FAM135A: variants seen among roughly 807,000 people sequenced by gnomAD.
The protein encoded by FAM135A is protein FAM135A.
FAM135A carries 79 observed loss-of-function variants against 146.8 expected under a neutral mutation model. The ratio of observed to expected loss-of-function variants is 0.54; its 90% CI spans 0.45 to 0.65. FAM135A has a LOEUF of 0.65. Among genes scored for constraint, FAM135A ranks in the 30% least tolerant of loss-of-function variants. The pLI, the probability that FAM135A is intolerant of heterozygous loss-of-function variation, is 0.00. For synonymous variants in FAM135A, 562 were observed against 603.6 expected (o/e 0.93, Z 1.01); for missense variants, 1,623 against 1,758.2 (o/e 0.92, Z 1.38).
chr6:70,455,191 A>T (rs1383408328), intron 5 of FAM135A, among the ~76,000 whole-genome samples: 1 of 152,104 alleles, frequency 6.6e-6, no homozygotes, highest in Non-Finnish European at 1.5e-5. Context: ...CTTTGAAGCA[A>T]TTGTGAATGG....
chr6:70,497,608 A>G (rs1391674199), intron 11 of FAM135A, among the ~76,000 whole-genome samples: 1 of 152,238 alleles, frequency 6.6e-6, no homozygotes, highest in East Asian at 1.9e-4. Flanking sequence ...GCTTTTGCCC[A>G]TTCAGTATGA....
intron 2 of FAM135A, among the ~76,000 whole-genome samples, chr6:70,421,040 C>T (rs1451341502): frequency 6.6e-6 from 1 of 152,096 alleles, no homozygotes; most frequent in Non-Finnish European, 1.5e-5. Context: ...CACTACCACA[C>T]CCAGCTAATT....
At chr6:70,501,143 T>C (rs1225637188) in intron 11 of FAM135A, among the ~76,000 whole-genome samples, 1 of 152,196 alleles carries the variant, frequency 6.6e-6, no homozygotes, top group Non-Finnish European at 1.5e-5. Flanking sequence ...GATGGGAGTT[T>C]ATCTGTAAGC....
At chr6:70,452,747 C>G (rs1451618887) in intron 5 of FAM135A, among the ~76,000 whole-genome samples, 176 bp downstream of exon 5, 1 of 152,094 alleles carries the variant, frequency 6.6e-6, no homozygotes, top group Non-Finnish European at 1.5e-5. Context: ...GATACTCTGT[C>G]TCCTTCTTAG....
Position 70,502,757 on chromosome 6 carries a change from G to T in FAM135A, c.995G>T (p.Arg332Ile), listed in dbSNP as rs754901927. 1 of 1,612,570 alleles carries T rather than the reference G, an allele frequency of 6.2e-7. No homozygotes were observed. Among genetic ancestry groups the T allele is most frequent in the Non-Finnish European group, 8.5e-7 (1 of 1,179,138 alleles). Residue 332 changes from arginine to isoleucine, a missense_variant, in exon 12 of 22, where the codon AGA (arginine) becomes ATA (isoleucine). Arg to Ile is a moderately conservative substitution (Grantham distance 97). Around this residue, in one of 7 missense-constraint regions of FAM135A, gnomAD observed 206 missense variants for 194.7 expected, o/e 1.06. Coordinates refer to ENST00000418814, the MANE Select transcript of FAM135A (RefSeq NM_001162529.3). ...LEVITLHEEL[R>I]ILLAQEHHTL... ...GTTATAACGCTACACGAAGAACTAA[G>T]AATATTATTAGCACAAGAGCACCAT... is the stretch of plus-strand genomic sequence containing the variant.
At chr6:70,471,187 G>A (rs1299934639) in intron 5 of FAM135A, among the ~76,000 whole-genome samples, 2 of 152,164 alleles carry the variant, frequency 1.3e-5, no homozygotes, top group Non-Finnish European at 2.9e-5. Flanking sequence ...GCAGAGAGCT[G>A]GAGTTGGGAT....
intron 2 of FAM135A, among the ~76,000 whole-genome samples, chr6:70,420,777 A>G (rs1768638452): frequency 6.6e-6 from 1 of 152,188 alleles, no homozygotes; most frequent in Non-Finnish European, 1.5e-5. Context: ...AGATGTGATA[A>G]ATATTTTAAA....
chr6:70,534,675 A>T (rs775248393), intron 18 of FAM135A, among the ~76,000 whole-genome samples: 18 of 152,082 alleles, frequency 1.2e-4, no homozygotes, highest in Non-Finnish European at 1.6e-4. Context: ...TGATGATTAC[A>T]CCAGTATGAG....
At chr6:70,434,170 C>T (rs913529430) in intron 4 of FAM135A, among the ~76,000 whole-genome samples, 1 of 152,150 alleles carries the variant, frequency 6.6e-6, no homozygotes, top group Admixed American at 6.5e-5. Context: ...ATTCAAAATA[C>T]ATTTGTCAAG....
chr6:70,516,408 G>A (rs1278395562), intron 12 of FAM135A, among the ~76,000 whole-genome samples: 3 of 151,898 alleles, frequency 2.0e-5, no homozygotes, highest in Non-Finnish European at 4.4e-5. Context: ...GCTGCCATAT[G>A]GATTAGCAGG....
chr6:70,446,455 C>A (rs1433935401), intron 4 of FAM135A, among the ~76,000 whole-genome samples: 1 of 152,180 alleles, frequency 6.6e-6, no homozygotes, highest in Non-Finnish European at 1.5e-5. Context: ...CTTAGGGGAT[C>A]AATCAATAAT....
intron 1 of FAM135A, chr6:70,414,116 CG>C (rs2127650294): frequency 1.1e-6 from 1 of 882,310 alleles, no homozygotes; most frequent in Non-Finnish European, 1.4e-6. Context: ...TCTTTTTGCC[CG>C]GGTGGTCCCT....
rs564430522 is a variant in FAM135A, at chr6:70,435,037, T to C, written c.77+6618T>C. The stretch of plus-strand genomic sequence containing the variant: ...ATTTGGAAATGGAGGAAAGTAAGGA[T>C]ATAGATTTAGAAATTATATATATAC... On this transcript the variant is annotated intron_variant, in intron 4 of 21. Coordinates refer to ENST00000418814, the MANE Select transcript of FAM135A (RefSeq NM_001162529.3). Among the ~76,000 whole-genome samples the C allele has an allele frequency of 2.7e-5, 4 of 149,718 alleles. No individual in the cohort carries two copies. The South Asian group carries it at 8.4e-4, about 32-fold the overall frequency.
At chr6:70,514,766 G>A (rs1204703549) in intron 12 of FAM135A, among the ~76,000 whole-genome samples, 1 of 152,130 alleles carries the variant, frequency 6.6e-6, no homozygotes, top group Non-Finnish European at 1.5e-5. Context: ...CAGGGGTGAG[G>A]GAGGTCTTAG....
chr6:70,457,820 G>A (rs1778658712), intron 5 of FAM135A, among the ~76,000 whole-genome samples: 1 of 152,068 alleles, frequency 6.6e-6, no homozygotes, highest in Admixed American at 6.6e-5. Flanking sequence ...GACAAACTGT[G>A]TCAGAAATGC....
At chr6:70,419,826 C>A (rs1436421936) in intron 2 of FAM135A, among the ~76,000 whole-genome samples, 1 of 152,120 alleles carries the variant, frequency 6.6e-6, no homozygotes, top group Non-Finnish European at 1.5e-5. Flanking sequence ...TACAATATGG[C>A]CCCTGAATCC....
chr6:70,414,116 C>T (rs1201589252), intron 1 of FAM135A: 1 of 882,190 alleles, frequency 1.1e-6, no homozygotes, highest in Non-Finnish European at 1.4e-6. Context: ...TCTTTTTGCC[C>T]GGGTGGTCCC....
rs538944812 is a variant in FAM135A, at chr6:70,441,223, G to A, written c.78-11269G>A. ...AGCCTGGCCAACATTGTGAAAACCC[G>A]TCTCTACTAAAAATACAAAAATTAG... On this transcript the variant is annotated intron_variant, in intron 4 of 21. Coordinates refer to ENST00000418814, the MANE Select transcript of FAM135A (RefSeq NM_001162529.3). Among the ~76,000 whole-genome samples, 198 of 152,042 alleles carry A rather than the reference G, an allele frequency of 1.3e-3. 1 individual carries two copies. Among genetic ancestry groups the A allele is most frequent in the South Asian group, 2.3e-3 (11 of 4,808 alleles).
intron 4 of FAM135A, among the ~76,000 whole-genome samples, chr6:70,446,924 G>T (rs187695426): frequency 6.6e-6 from 1 of 152,302 alleles, no homozygotes; most frequent in African/African-American, 2.4e-5. Flanking sequence ...CTTGTGCTCC[G>T]CACTGTTGTA....
Sources: gnomAD v4.1 joint callset for allele counts (sites outside exome capture counted in the v4.1 genomes callset) on GRCh38, gnomAD v4.1.1 for gene constraint, gnomAD v4.1.1 regional missense constraint, MANE v1.5 for transcripts, NCBI Gene and HGNC (gene_info 2026-07-23, HGNC 2026-07-21) for gene names.